Variants in PPP2R5E observed in about 807,000 individuals in gnomAD.
The protein encoded by PPP2R5E is serine/threonine-protein phosphatase 2A 56 kDa regulatory subunit epsilon isoform.
A neutral mutation model predicts 65.3 loss-of-function variants in PPP2R5E; 4 were observed. The ratio of observed to expected loss-of-function variants is 0.06; its 90% CI spans 0.03 to 0.14. The LOEUF is 0.14. Ranked by LOEUF, PPP2R5E falls within the 10% of genes least tolerant of loss-of-function variation. PPP2R5E has a pLI of 1.00. For synonymous variants in PPP2R5E, 183 were observed against 187.4 expected (o/e 0.98, Z 0.19); for missense variants, 274 against 556.1 (o/e 0.49, Z 5.10).
At chr14:63,403,910 T>C (rs1157968882) in intron 5 of PPP2R5E, among the ~76,000 whole-genome samples, 1 of 152,140 alleles carries the variant, frequency 6.6e-6, no homozygotes, top group Non-Finnish European at 1.5e-5. Flanking sequence ...ATATAACAAA[T>C]GTAGAGAGGG....
intron 2 of PPP2R5E, among the ~76,000 whole-genome samples, chr14:63,497,818 A>G (rs1440552390): frequency 6.6e-6 from 1 of 152,150 alleles, no homozygotes; most frequent in Non-Finnish European, 1.5e-5. Flanking sequence ...GTTTATGCAG[A>G]AAGTGGAAAG....
At chr14:63,379,146 AC>A (rs1327295594) in intron 13 of PPP2R5E, among the ~76,000 whole-genome samples, 1 of 150,330 alleles carries the variant, frequency 6.7e-6, no homozygotes, top group Non-Finnish European at 1.5e-5. Context: ...CTCCTGCCTC[AC>A]CCTCCCGAGT....
intron 2 of PPP2R5E, among the ~76,000 whole-genome samples, chr14:63,521,996 C>G (rs370079874): frequency 0.11 from 15,297 of 145,542 alleles, 860 homozygotes; most frequent in East Asian, 0.15. Flanking sequence ...GATACCGAGC[C>G]GAAGCTGGAC....
At chr14:63,462,856 AC>A (rs1889557798) in intron 2 of PPP2R5E, among the ~76,000 whole-genome samples, 3 of 151,962 alleles carry the variant, frequency 2.0e-5, no homozygotes, top group Non-Finnish European at 4.4e-5. Context: ...TAATCCCAGC[AC>A]TTTGGGAGGC....
rs562636141 is a variant in PPP2R5E at position 63,463,676 on chromosome 14, A to C, written c.158-9791T>G. The stretch of plus-strand genomic sequence containing the variant: ...CAGTGGCACGATCTCGGCTCACTGC[A>C]AGCTCCGCCTCCCGGGTTCATGCCA... On this transcript the variant is annotated intron_variant, in intron 2 of 13. Transcript: ENST00000337537. 1.8e-4 allele frequency among the ~76,000 whole-genome samples: 27 copies of C among 150,772 alleles called. No individual in the cohort carries two copies. In the South Asian group the frequency reaches 5.7e-3, roughly 32 times the overall value.
At chr14:63,502,083 T>C (rs1891919462) in intron 2 of PPP2R5E, among the ~76,000 whole-genome samples, 1 of 152,106 alleles carries the variant, frequency 6.6e-6, no homozygotes, top group African/African-American at 2.4e-5. Context: ...TTAGTTGAGA[T>C]GCGGTTTCAC....
chr14:63,378,188 T>C (rs1366155994), intron 13 of PPP2R5E, among the ~76,000 whole-genome samples: 1 of 152,234 alleles, frequency 6.6e-6, no homozygotes, highest in Non-Finnish European at 1.5e-5. Context: ...TGACTTTCGA[T>C]GAATATGACC....
chr14:63,412,387 G>A (rs916496998), intron 5 of PPP2R5E, among the ~76,000 whole-genome samples: 1 of 152,236 alleles, frequency 6.6e-6, no homozygotes, highest in Non-Finnish European at 1.5e-5. Context: ...AGCAAGAAAT[G>A]CTCATGAGAC....
At chr14:63,498,562 ATT>A (rs200380543) in intron 2 of PPP2R5E, among the ~76,000 whole-genome samples, 1 of 148,170 alleles carries the variant, frequency 6.7e-6, no homozygotes, top group African/African-American at 2.5e-5. Context: ...CTTTTAAGTA[ATT>A]TTTTTTTTTC....
intron 5 of PPP2R5E, among the ~76,000 whole-genome samples, chr14:63,397,235 C>T (rs371118598): frequency 6.6e-6 from 1 of 152,322 alleles, no homozygotes. Context: ...CCTGTGGTGA[C>T]TCATGCCTGT....
intron 2 of PPP2R5E, among the ~76,000 whole-genome samples, chr14:63,533,332 C>G (rs1473595390): frequency 6.6e-6 from 1 of 152,110 alleles, no homozygotes; most frequent in Non-Finnish European, 1.5e-5. Flanking sequence ...GAAGCCGAGG[C>G]AGGCAGATCA....
intron 2 of PPP2R5E, among the ~76,000 whole-genome samples, chr14:63,522,965 T>A (rs1594969423): frequency 8.4e-6 from 1 of 119,504 alleles, no homozygotes; most frequent in African/African-American, 3.3e-5. Flanking sequence ...GGTGGGGGGG[T>A]CAGCCCCCTG....
chr14:63,381,773 G>A (rs1437823907), intron 13 of PPP2R5E, among the ~76,000 whole-genome samples: 2 of 152,212 alleles, frequency 1.3e-5, no homozygotes, highest in African/African-American at 4.8e-5. Context: ...ATTCACCACA[G>A]GTTTGTAGCC....
At chr14:63,474,701 CAAG>C (rs1890318490) in intron 2 of PPP2R5E, among the ~76,000 whole-genome samples, 2 of 77,260 alleles carry the variant, frequency 2.6e-5, no homozygotes, top group South Asian at 4.0e-4. Flanking sequence ...AAAAAAAAAA[CAAG>C]AAGAAGAAAA....
At chr14:63,434,762 C>T (rs887597190) in intron 3 of PPP2R5E, among the ~76,000 whole-genome samples, 2 of 152,192 alleles carry the variant, frequency 1.3e-5, no homozygotes, top group Non-Finnish European at 2.9e-5. Context: ...AAGAAGTTCA[C>T]TATTTTTTTA....
intron 2 of PPP2R5E, among the ~76,000 whole-genome samples, chr14:63,527,795 C>T (rs983656478): frequency 1.3e-5 from 2 of 151,814 alleles, no homozygotes; most frequent in Non-Finnish European, 1.5e-5. Flanking sequence ...CTTAGCTGGG[C>T]GTGGTGGTGG....
chr14:63,424,568 G>T (rs1259225994), intron 3 of PPP2R5E, among the ~76,000 whole-genome samples: 1 of 152,034 alleles, frequency 6.6e-6, no homozygotes, highest in Admixed American at 6.6e-5. Flanking sequence ...TGGCTAACAC[G>T]GTGAAACCCC....
At chr14:63,413,213 T>G (rs1171605440) in intron 5 of PPP2R5E, among the ~76,000 whole-genome samples, 1 of 152,236 alleles carries the variant, frequency 6.6e-6, no homozygotes. Context: ...GACAGCACAC[T>G]GGGCTGAGCC....
At chr14:63,526,493 T>G (rs1292430525) in intron 2 of PPP2R5E, among the ~76,000 whole-genome samples, 1 of 152,138 alleles carries the variant, frequency 6.6e-6, no homozygotes, top group Non-Finnish European at 1.5e-5. Flanking sequence ...GAAACAACTT[T>G]CTCTCTTTCT....
Sources: gnomAD v4.1 joint callset for allele counts (sites outside exome capture counted in the v4.1 genomes callset) on GRCh38, gnomAD v4.1.1 for gene constraint, MANE v1.5 for transcripts, NCBI Gene and HGNC (gene_info 2026-07-23, HGNC 2026-07-21) for gene names.